The following RBFOX2 variants were observed in gnomAD, a reference collection of about 807,000 sequenced individuals.
RBFOX2 encodes RNA binding fox-1 homolog 2.
In RBFOX2, 10 loss-of-function variants were observed where a neutral mutation model predicts 49.1. That is an observed-to-expected ratio of 0.20 (90% confidence interval 0.13 to 0.35). The LOEUF (loss-of-function observed/expected upper bound fraction) is 0.35. RBFOX2 is among the 10% of genes least tolerant of loss of function. The pLI is 1.00. For synonymous variants in RBFOX2, 183 were observed against 187.4 expected (o/e 0.98, Z 0.19); for missense variants, 323 against 486.9 (o/e 0.66, Z 3.17).
At chr22:35,941,593 T>C (rs905040356), upstream of RBFOX2, among the ~76,000 whole-genome samples, 3 of 152,144 alleles carry the variant, frequency 2.0e-5, no homozygotes, top group Non-Finnish European at 4.4e-5. Context: ...AAACATTTCA[T>C]GATTGTCTGA....
intron 9 of RBFOX2, among the ~76,000 whole-genome samples, chr22:35,758,232 C>T (rs1295914947): frequency 6.6e-6 from 1 of 152,018 alleles, no homozygotes; most frequent in Non-Finnish European, 1.5e-5. Flanking sequence ...TATGATTAGA[C>T]ATAAAGATAA....
intron 1 of RBFOX2, among the ~76,000 whole-genome samples, chr22:36,023,649 C>T (rs1603468860): frequency 6.6e-6 from 1 of 152,198 alleles, no homozygotes; most frequent in African/African-American, 2.4e-5. Context: ...CATTTAACTT[C>T]CCACAAACTT....
At chr22:35,962,635 G>C (rs1569513649), upstream of RBFOX2, among the ~76,000 whole-genome samples, 1 of 152,012 alleles carries the variant, frequency 6.6e-6, no homozygotes, top group African/African-American at 2.4e-5. Flanking sequence ...TCCTACAAAG[G>C]TTTCTACTTC....
At chr22:35,761,124 C>T (rs1259285474) in intron 8 of RBFOX2, 78 bp downstream of exon 9, 44 of 1,278,236 alleles carry the variant, frequency 3.4e-5, no homozygotes, top group Non-Finnish European at 4.5e-5. Context: ...ATGTACTGTA[C>T]TAGGAAAAAA....
chr22:35,887,426 C>T lies in RBFOX2; in HGVS notation c.-34+51421G>A, dbSNP rs139443327. On this transcript the variant is annotated intron_variant, in intron 1 of 13. Coordinates refer to the RBFOX2 transcript ENST00000359369. ...TTCTCAGCAAACTCCTCTACACACT[C>T]ACCTCTCTTCTGTGATATTCTCTTT... is the stretch of plus-strand genomic sequence containing the variant. 9.3e-3 allele frequency among the ~76,000 whole-genome samples: 1,419 copies of T among 152,260 alleles called. 24 individuals are homozygous for T. The highest frequency in any genetic ancestry group is 0.033 in the African/African-American group (1,362 of 41,506).
intron 1 of RBFOX2, among the ~76,000 whole-genome samples, chr22:35,851,550 G>A (rs2041934079): frequency 6.6e-6 from 1 of 152,162 alleles, no homozygotes; most frequent in South Asian, 2.1e-4. Context: ...CTCTTGGCCG[G>A]GTGGTGTGGC....
chr22:35,933,941 T>C (rs2052731705), intron 1 of RBFOX2, among the ~76,000 whole-genome samples: 1 of 141,596 alleles, frequency 7.1e-6, no homozygotes, highest in South Asian at 2.1e-4. Context: ...TATATATATA[T>C]ATATATATAT....
intron 1 of RBFOX2, among the ~76,000 whole-genome samples, chr22:35,948,346 T>A (rs1235515942): frequency 6.6e-6 from 1 of 152,048 alleles, no homozygotes; most frequent in Non-Finnish European, 1.5e-5. Context: ...TCTTGCATTT[T>A]AAAAAAATAA....
At chr22:35,797,975 T>C (rs1949083984) in intron 2 of RBFOX2, among the ~76,000 whole-genome samples, 1 of 152,162 alleles carries the variant, frequency 6.6e-6, no homozygotes, top group African/African-American at 2.4e-5. Flanking sequence ...TACTTTGTTT[T>C]TCTTTTCTTG....
At chr22:35,897,000 T>A (rs1381823300) in intron 1 of RBFOX2, among the ~76,000 whole-genome samples, 1 of 152,240 alleles carries the variant, frequency 6.6e-6, no homozygotes, top group African/African-American at 2.4e-5. Context: ...ATGCCCTAAA[T>A]CTTAAGTCAC....
intron 2 of RBFOX2, among the ~76,000 whole-genome samples, chr22:35,782,067 A>T (rs1044666506): frequency 1.3e-5 from 2 of 152,208 alleles, no homozygotes; most frequent in Non-Finnish European, 2.9e-5. Context: ...AAGATACAAA[A>T]ATAGTTCCTT....
chr22:35,809,396 T>A (rs1951391816), intron 2 of RBFOX2, among the ~76,000 whole-genome samples: 2 of 151,998 alleles, frequency 1.3e-5, no homozygotes, highest in African/African-American at 4.8e-5. Flanking sequence ...GATGTACAGA[T>A]GAAAGAAAGA....
intron 1 of RBFOX2, 33 bp downstream of exon 1, chr22:36,028,207 G>C: frequency 1.4e-6 from 2 of 1,451,244 alleles, no homozygotes; most frequent in Non-Finnish European, 1.8e-6. Flanking sequence ...GCCCACCCCC[G>C]CAATAACTGG....
intron 1 of RBFOX2, among the ~76,000 whole-genome samples, chr22:35,893,835 C>A (rs1458797120): frequency 1.3e-5 from 2 of 151,734 alleles, no homozygotes; most frequent in East Asian, 3.8e-4. Context: ...TCCTGCAATT[C>A]CAGACATCTG....
intron 2 of RBFOX2, among the ~76,000 whole-genome samples, chr22:35,789,120 C>T (rs988809971): frequency 1.3e-5 from 2 of 152,154 alleles, no homozygotes; most frequent in Non-Finnish European, 2.9e-5. Flanking sequence ...CCCCTCATCC[C>T]ACCCACATAC....
chr22:35,971,101 G>C (rs1200726558), intron 1 of RBFOX2, among the ~76,000 whole-genome samples: 1 of 152,138 alleles, frequency 6.6e-6, no homozygotes, highest in Non-Finnish European at 1.5e-5. Context: ...AAGCTGTGCA[G>C]AGTGCCTGAT....
chr22:35,754,121 T>A (rs912433490), intron 9 of RBFOX2, among the ~76,000 whole-genome samples: 3 of 147,638 alleles, frequency 2.0e-5, no homozygotes, highest in African/African-American at 7.6e-5. Context: ...AGACGGAGTC[T>A]CACTCTGTCA....
chr22:36,008,706 T>TA (rs970312960), intron 1 of RBFOX2, among the ~76,000 whole-genome samples: 2 of 151,926 alleles, frequency 1.3e-5, no homozygotes, highest in Non-Finnish European at 2.9e-5. Flanking sequence ...CAATCCCAGC[T>TA]ACTCGGGAGG....
intron 1 of RBFOX2, among the ~76,000 whole-genome samples, chr22:35,815,157 G>A (rs1355884651): frequency 6.6e-6 from 1 of 152,068 alleles, no homozygotes; most frequent in Non-Finnish European, 1.5e-5. Context: ...CAGTTTACAT[G>A]GAATGTAGTA....
Sources: allele counts gnomAD v4.1 joint callset (sites outside exome capture counted in the v4.1 genomes callset), GRCh38; gene constraint gnomAD v4.1.1; transcripts MANE v1.5; gene names NCBI Gene and HGNC (gene_info 2026-07-23, HGNC 2026-07-21).